Variants in BCL3 observed in about 807,000 individuals in gnomAD.
The protein encoded by BCL3 is BCL3 transcription coactivator, also known as B-cell lymphoma 3 protein.
A neutral mutation model predicts 35.7 loss-of-function variants in BCL3; 15 were observed. The observed-to-expected ratio is 0.42, with a 90% CI of 0.28 to 0.65. BCL3 has a LOEUF of 0.65. Ranked by LOEUF, BCL3 falls within the 30% of genes least tolerant of loss-of-function variation. The probability of loss-of-function intolerance (pLI) is 0.22; values close to 1 mark genes in which losing one functional copy is unlikely to be tolerated. For missense variants in BCL3, 565 were observed against 641.7 expected (o/e 0.88, Z 1.29); for synonymous variants, 311 against 284.3 (o/e 1.09, Z -0.95).
Position 44,759,342 on chromosome 19 carries a change from C to CCTCAGACCCCCAGCCCCTCCTCT in BCL3, c.1178-77_1178-76insCCAGCCCCTCCTCTCTCAGACCC, listed in dbSNP as rs1288525693. Reference sequence around the variant, plus strand: ...GAGTCCAGACCCCCAGCCCCTCCTCCCTCAGACCCAGATCTCAGGCCCCAG... The same window carrying CCTCAGACCCCCAGCCCCTCCTCT: ...GAGTCCAGACCCCCAGCCCCTCCTCCCTCAGACCCCCAGCCCCTCCTCTCTCAGACCCAGATCTCAGGCCCCAG... On this transcript the variant is annotated intron_variant, in intron 8 of 8. Coordinates refer to ENST00000164227, the MANE Select transcript of BCL3 (RefSeq NM_005178.5). The CCTCAGACCCCCAGCCCCTCCTCT allele has an allele frequency of 2.7e-4, 289 of 1,057,182 alleles. 1 individual carries two copies. The highest frequency in any genetic ancestry group is 2.7e-3 in the African/African-American group (157 of 57,598). The allele number at this position is 1,057,182 out of a possible 1,614,324, so 65.5% of individuals were successfully genotyped here. A position where few individuals can be genotyped will look rare whatever the true frequency, so the allele number is the denominator to read the frequency against.
intron 2 of BCL3, among the ~76,000 whole-genome samples, chr19:44,751,688 GC>G (rs1349233251): frequency 2.6e-5 from 4 of 152,066 alleles, no homozygotes; most frequent in Admixed American, 2.6e-4. Flanking sequence ...TGCAACCTCT[GC>G]CCCCCAAGTT....
intron 2 of BCL3, chr19:44,755,335 C>T: frequency 6.6e-6 from 1 of 152,300 alleles, no homozygotes; most frequent in East Asian, 1.9e-4. Context: ...AATATTGAAG[C>T]TGGAATGGCC....
chr19:44,749,087 C>T (rs1967125998), intron 1 of BCL3, 41 bp downstream of exon 1: 1 of 1,144,850 alleles, frequency 8.7e-7, no homozygotes, highest in Admixed American at 4.3e-5. Context: ...GGGATCCACA[C>T]AGAGCATAGG....
Position 44,757,012 on chromosome 19 carries a change from C to A in BCL3, c.520-5C>A. 6.3e-7 allele frequency: 1 copy of A among 1,597,324 alleles called. No homozygotes were observed. On this transcript the variant is annotated splice_polypyrimidine_tract_variant and splice_region_variant and intron_variant, in intron 3 of 8. Transcript: ENST00000164227. This position sits in a 1 kb window ranked among gnomAD's most constrained non-coding sequence, Gnocchi z 8.4. Reference sequence around the variant, plus strand: ...CACAGGTCCCTCACAGTCACTGTTCCCCAGACACCGCTCCACCTGGCTGTG... The same window carrying A: ...CACAGGTCCCTCACAGTCACTGTTCACCAGACACCGCTCCACCTGGCTGTG...
intron 1 of BCL3, 80 bp downstream of exon 1, chr19:44,749,126 G>A (rs1192568871): frequency 1.4e-6 from 1 of 714,194 alleles, no homozygotes; most frequent in African/African-American, 1.9e-5. Flanking sequence ...CAGAGCTTGA[G>A]GCACAAACCG....
Position 44,758,335 on chromosome 19 carries a change from G to A in BCL3, c.981G>A (p.Thr327=), listed in dbSNP as rs778783165. ...SGRGLLPLVR[T]LVRSGADSSL... Reference sequence around the variant, plus strand: ...GCGGGCTCCTCCCGCTGGTGCGCACGCTGGTCCGCAGCGGCGCTGACAGCA... The same window carrying A: ...GCGGGCTCCTCCCGCTGGTGCGCACACTGGTCCGCAGCGGCGCTGACAGCA... The change falls in exon 7 of 9, where the codon ACG becomes ACA. Residue 327 remains threonine (T), a synonymous_variant. Transcript: ENST00000164227. 5 of 1,569,684 alleles carry A rather than the reference G, an allele frequency of 3.2e-6. No homozygotes were observed. Among genetic ancestry groups the A allele is most frequent in the Non-Finnish European group, 4.3e-6 (5 of 1,164,238 alleles).
upstream of BCL3, chr19:44,747,926 TCCCCACCCTCA>T: frequency 3.4e-6 from 4 of 1,186,768 alleles, no homozygotes; most frequent in Non-Finnish European, 4.3e-6. Flanking sequence ...AGTGGAGCGC[TCCCCACCCTCA>T]CCCCACCCCC....
At position 44,757,269 on chromosome 19, in the gene BCL3, GTCCA is replaced by G; in HGVS notation, c.724+51_725-52del. 1 of 1,559,430 alleles carries G rather than the reference GTCCA, an allele frequency of 6.4e-7. No homozygotes were observed. The highest frequency in any genetic ancestry group is 1.2e-5 in the South Asian group (1 of 85,636). ...CGCTGGGCTGTCCAGCGGACCTGGAGTCCATCAGCGGCCGCAAAGCCCGGGCCTA... is the reference window on the plus strand; with the variant it reads ...CGCTGGGCTGTCCAGCGGACCTGGAGTCAGCGGCCGCAAAGCCCGGGCCTA... On this transcript the variant is annotated intron_variant, in intron 4 of 8. Transcript: ENST00000164227. The surrounding 1 kb of genome is among the most constrained non-coding windows in gnomAD (Gnocchi z 8.4).
chr19:44,759,928 A>C lies in BCL3; in HGVS notation c.*313A>C. 2 of 329,230 alleles carry C rather than the reference A, an allele frequency of 6.1e-6. No homozygotes were observed. Among genetic ancestry groups the C allele is most frequent in the South Asian group, 8.8e-5 (1 of 11,424 alleles). The allele number at this position is 329,230 out of a possible 1,614,324, so 20.4% of individuals were successfully genotyped here. A position where few individuals can be genotyped will look rare whatever the true frequency, so the allele number is the denominator to read the frequency against. ...ACCCAGGGAACAGCCACTCCCCTCC[A>C]CTCTCTACCAGATAACTGAGGAGGG... On this transcript the variant is annotated 3_prime_UTR_variant, in exon 9 of 9. Transcript: ENST00000164227.
At chr19:44,752,379 T>G (rs2122284662) in intron 2 of BCL3, among the ~76,000 whole-genome samples, 1 of 151,956 alleles carries the variant, frequency 6.6e-6, no homozygotes, top group Non-Finnish European at 1.5e-5. Flanking sequence ...TTTGTATTTT[T>G]TTTTTGTAGA....
Position 44,757,473 on chromosome 19 carries a change from C to CGGGGGGGGGTTGTGGGG in BCL3, c.813+63_813+64insGGGGTTGTGGGGGGGGG. 1 of 220,722 alleles carries CGGGGGGGGGTTGTGGGG rather than the reference C, an allele frequency of 4.5e-6. No homozygotes were observed. The highest frequency in any genetic ancestry group is 6.9e-6 in the Non-Finnish European group (1 of 143,920). The allele number at this position is 220,722 out of a possible 1,614,324, so 13.7% of individuals were successfully genotyped here. On this transcript the variant is annotated intron_variant, in intron 5 of 8. Coordinates refer to ENST00000164227, the MANE Select transcript of BCL3 (RefSeq NM_005178.5). The surrounding 1 kb of genome is among the most constrained non-coding windows in gnomAD (Gnocchi z 8.4). ...GGCCTTAGCAGGGGCGGGGTCTTGG[C>CGGGGGGGGGTTGTGGGG]GGGGGCGGGGCCAGTGTGGGGCTGG...
At chr19:44,754,332 C>G (rs1967240154) in intron 2 of BCL3, among the ~76,000 whole-genome samples, 1 of 152,002 alleles carries the variant, frequency 6.6e-6, no homozygotes, top group Admixed American at 6.5e-5. Flanking sequence ...GATTATGCGC[C>G]CCCCCTACAC....
Position 44,748,942 on chromosome 19 carries a change from C to A in BCL3, c.152C>A (p.Ala51Glu), listed in dbSNP as rs768745302. The A allele has an allele frequency of 3.2e-6, 4 of 1,235,418 alleles. No individual in the cohort carries two copies. Among genetic ancestry groups the A allele is most frequent in the South Asian group, 5.7e-5 (2 of 35,132 alleles). 76.5% of individuals were successfully genotyped at this position (1,235,418 alleles called of 1,614,324 possible). A position where few individuals can be genotyped will look rare whatever the true frequency, so the allele number is the denominator to read the frequency against. ...GAGCCCGCCGCTCCCCGCGGCGCTG[C>A]GGGCCTTGTCGTCCCCCTGGACCCT... ...SPEPAAPRGA[A>E]GLVVPLDPLR... Residue 51 changes from alanine (A) to glutamate (E), a missense_variant, in exon 1 of 9, where the codon GCG (alanine) becomes GAG (glutamate). Around this residue, in one of 5 missense-constraint regions of BCL3, gnomAD observed 267 missense variants for 281.5 expected, o/e 0.95. Transcript: ENST00000164227.
intron 1 of BCL3, among the ~76,000 whole-genome samples, chr19:44,750,402 G>T (rs1332683640): frequency 6.6e-6 from 1 of 152,080 alleles, no homozygotes; most frequent in African/African-American, 2.4e-5. Context: ...AAGTTCAGGG[G>T]ATTCTTGTGC....
At chr19:44,748,215 G>A (rs551876383), upstream of BCL3, 23 of 541,998 alleles carry the variant, frequency 4.2e-5, no homozygotes, top group Non-Finnish European at 6.6e-5. Context: ...CTGAGAGGCA[G>A]AGAGATGGTG....
Position 44,757,738 on chromosome 19 carries a change from C to G in BCL3, c.891+15C>G, listed in dbSNP as rs779364511. On this transcript the variant is annotated intron_variant, in intron 6 of 8. Transcript: ENST00000164227. The surrounding 1 kb of genome is among the most constrained non-coding windows in gnomAD (Gnocchi z 8.4). ...TGCTGCTGCAGGTGCGTACAGCCCC[C>G]CTGAGCCTCGCGCCCACCCTATCCT... 6.2e-7 allele frequency: 1 copy of G among 1,612,694 alleles called. No individual in the cohort carries two copies. Among genetic ancestry groups the G allele is most frequent in the Non-Finnish European group, 8.5e-7 (1 of 1,179,160 alleles).
chr19:44,749,846 A>AT (rs1026594578), intron 1 of BCL3, among the ~76,000 whole-genome samples: 8 of 152,064 alleles, frequency 5.3e-5, no homozygotes, highest in Non-Finnish European at 1.2e-4. Flanking sequence ...CAGGATGAAA[A>AT]TTTCAGGGGT....
rs1455279362 is a variant in BCL3 at position 44,757,992 on chromosome 19, T to G, written c.892-254T>G. Among the ~76,000 whole-genome samples the G allele has an allele frequency of 6.6e-6, 1 of 152,194 alleles. No individual in the cohort carries two copies. The highest frequency in any genetic ancestry group is 1.5e-5 in the Non-Finnish European group (1 of 68,026). ...GACCCCGCCTTCCAGCTAGGCCCTGTCCACGCATTGTCCTTCCCCCCTCCA... is the reference window on the plus strand; with the variant it reads ...GACCCCGCCTTCCAGCTAGGCCCTGGCCACGCATTGTCCTTCCCCCCTCCA... On this transcript the variant is annotated intron_variant, in intron 6 of 8. Transcript: ENST00000164227. The surrounding 1 kb of genome is among the most constrained non-coding windows in gnomAD (Gnocchi z 8.4).
upstream of BCL3, chr19:44,748,187 C>A: frequency 3.7e-6 from 3 of 806,662 alleles, no homozygotes; most frequent in Non-Finnish European, 5.3e-6. Flanking sequence ...TCCTGAGAGA[C>A]AGAGAAGCAG....
Sources: allele counts gnomAD v4.1 joint callset (sites outside exome capture counted in the v4.1 genomes callset), GRCh38; gene constraint gnomAD v4.1.1; regional missense constraint gnomAD v4.1.1; non-coding constraint Gnocchi (gnomAD v3.1); transcripts MANE v1.5; gene names NCBI Gene and HGNC (gene_info 2026-07-23, HGNC 2026-07-21).